VANGL2: variants seen among roughly 807,000 people sequenced by gnomAD.
The protein encoded by VANGL2 is vang-like protein 2.
A neutral mutation model predicts 50.2 loss-of-function variants in VANGL2; 14 were observed. That is an observed-to-expected ratio of 0.28 (90% confidence interval 0.18 to 0.44). The LOEUF is 0.44. Among genes scored for constraint, VANGL2 ranks in the 20% least tolerant of loss-of-function variants. VANGL2 has a pLI of 1.00. For missense variants in VANGL2, 533 were observed against 701.5 expected, an observed-to-expected ratio of 0.76 and a Z score of 2.71; for synonymous variants, 295 against 297.2, an observed-to-expected ratio of 0.99 and a Z score of 0.08.
intron 1 of VANGL2, among the ~76,000 whole-genome samples, chr1:160,415,107 G>A (rs1425243167): frequency 6.6e-6 from 1 of 152,194 alleles, no homozygotes; most frequent in Admixed American, 6.5e-5. Context: ...AACACTGGGT[G>A]TGTTTGAAGT....
rs1253292744 is a variant in VANGL2, at chr1:160,425,221, A to G, written c.1409A>G (p.Asn470Ser). ...WTLVSEEPVTNGLKDGIVFLL... is the reference protein window; with the variant it reads ...WTLVSEEPVTSGLKDGIVFLL... The stretch of plus-strand genomic sequence containing the variant: ...TTGGTGAGCGAGGAGCCGGTGACCA[A>G]CGGCCTCAAGGATGGCATCGTTTTC... Residue 470 changes from asparagine (N) to serine (S), a missense_variant, in exon 8 of 8, where the codon AAC becomes AGC. By Grantham distance (46) the Asn-to-Ser change is conservative. Transcript: ENST00000368061. 6.2e-7 allele frequency: 1 copy of G among 1,614,088 alleles called. No homozygotes were observed. The highest frequency in any genetic ancestry group is 1.1e-5 in the South Asian group (1 of 91,080).
intron 3 of VANGL2, 49 bp downstream of exon 3, chr1:160,416,231 C>G: frequency 1.2e-6 from 2 of 1,612,864 alleles, no homozygotes; most frequent in Non-Finnish European, 8.5e-7. Context: ...TCAGACTGCT[C>G]CTGAGGGGCT....
At chr1:160,420,660 T>C in intron 5 of VANGL2, 113 bp downstream of exon 5, 1 of 1,498,998 alleles carries the variant, frequency 6.7e-7, no homozygotes, top group Non-Finnish European at 9.2e-7. Context: ...GCCCATGTTC[T>C]AGCCGCTTCT....
In VANGL2 at chr1:160,426,841, T is replaced by C. The variant is rs1040425943; in HGVS notation, c.*1463T>C. ...TCCTCTGAGTAACTCACAGTGTCCTTTTGTAGGCCCTTCTTTTCCCTGAAA... is the reference window on the plus strand; with the variant it reads ...TCCTCTGAGTAACTCACAGTGTCCTCTTGTAGGCCCTTCTTTTCCCTGAAA... On this transcript the variant is annotated 3_prime_UTR_variant, in exon 8 of 8. Coordinates refer to ENST00000368061, the MANE Select transcript of VANGL2 (RefSeq NM_020335.3). 3 of 152,174 alleles carry C rather than the reference T, an allele frequency of 2.0e-5. No homozygotes were observed. The highest frequency in any genetic ancestry group is 7.2e-5 in the African/African-American group (3 of 41,440). 9.4% of individuals were successfully genotyped at this position (152,174 alleles called of 1,614,324 possible).
chr1:160,415,690 C>A lies in VANGL2; in HGVS notation c.-148C>A. 1 of 910,108 alleles carries A rather than the reference C, an allele frequency of 1.1e-6. No homozygotes were observed. Among genetic ancestry groups the A allele is most frequent in the Non-Finnish European group, 1.7e-6 (1 of 584,670 alleles). 56.4% of individuals were successfully genotyped at this position (910,108 alleles called of 1,614,324 possible). A position where few individuals can be genotyped will look rare whatever the true frequency, so the allele number is the denominator to read the frequency against. On this transcript the variant is annotated 5_prime_UTR_variant, in exon 2 of 8. Transcript: ENST00000368061. ...CTCTGAGACAAGCCCACCCGTCCAG[C>A]AAAATAGAGTCCCTCAGGGTGACAG...
intron 3 of VANGL2, among the ~76,000 whole-genome samples, chr1:160,417,487 A>G (rs1472902908): frequency 1.3e-5 from 2 of 152,246 alleles, no homozygotes; most frequent in East Asian, 3.8e-4. Flanking sequence ...TTGCCTCCAG[A>G]GACAGGTAGC....
intron 1 of VANGL2, 81 bp from the exon 2 acceptor site, chr1:160,415,567 T>C: frequency 2.0e-6 from 1 of 512,438 alleles, no homozygotes; most frequent in Middle Eastern, 5.5e-4. Flanking sequence ...CTCCTGTGGC[T>C]GTTGTGTGCA....
At position 160,425,488 on chromosome 1, in the gene VANGL2, T is replaced by TA; in HGVS notation, c.*110_*111insA. On this transcript the variant is annotated 3_prime_UTR_variant, in exon 8 of 8. Coordinates refer to ENST00000368061, the MANE Select transcript of VANGL2 (RefSeq NM_020335.3). ...CTGCCACCCTTCTTCTTCTTGCTCT[T>TA]TTTTTTTTACTTGAATTAACGCACC... The TA allele has an allele frequency of 1.9e-6, 2 of 1,078,070 alleles. No individual in the cohort carries two copies. The highest frequency in any genetic ancestry group is 1.7e-5 in the South Asian group (1 of 59,670). The allele number at this position is 1,078,070 out of a possible 1,614,324, so 66.8% of individuals were successfully genotyped here. A position where few individuals can be genotyped will look rare whatever the true frequency, so the allele number is the denominator to read the frequency against.
chr1:160,412,584 A>T (rs1650916578), intron 1 of VANGL2, among the ~76,000 whole-genome samples: 2 of 152,190 alleles, frequency 1.3e-5, no homozygotes, highest in Middle Eastern at 3.4e-3. Context: ...TTTTGCTGCA[A>T]AGTTTTTTGG....
At chr1:160,402,895 G>A (rs1650523891) in intron 1 of VANGL2, among the ~76,000 whole-genome samples, 1 of 152,044 alleles carries the variant, frequency 6.6e-6, no homozygotes, top group East Asian at 1.9e-4. Flanking sequence ...CACTCTTTTT[G>A]CTGCCAGTGG....
At chr1:160,403,101 C>T (rs754504459) in intron 1 of VANGL2, among the ~76,000 whole-genome samples, 3 of 151,474 alleles carry the variant, frequency 2.0e-5, no homozygotes, top group Non-Finnish European at 4.4e-5. Context: ...AATGTTTGAA[C>T]GAGGAACGGG....
chr1:160,419,487 T>G lies in VANGL2; in HGVS notation c.678T>G (p.Leu226=). 6.2e-7 allele frequency: 1 copy of G among 1,605,774 alleles called. No individual in the cohort carries two copies. The highest frequency in any genetic ancestry group is 8.5e-7 in the Non-Finnish European group (1 of 1,179,982). The change falls in exon 4 of 8, where the codon CTT becomes CTG. Residue 226 remains leucine (L), a synonymous_variant. Coordinates refer to ENST00000368061, the MANE Select transcript of VANGL2 (RefSeq NM_020335.3). The surrounding 1 kb of genome is among the most constrained non-coding windows in gnomAD (Gnocchi z 5.8). ...VQFAVSLVDA[L]LFVHYLAVVL... ...TCGCCGTGTCGCTGGTGGACGCCCT[T>G]CTTTTCGTGCACTACCTGGCCGTGG... is the stretch of plus-strand genomic sequence containing the variant.
rs1430106398 is a variant in VANGL2 at position 160,400,878 on chromosome 1, C to G, written c.-191+9C>G. ...GCAGTTCGCAGCGGCGGGTGAGTGC[C>G]GGGCCGCGGGGGCGCGGGCAAAGTT... On this transcript the variant is annotated intron_variant, in intron 1 of 7. Transcript: ENST00000368061. 1 of 151,690 alleles carries G rather than the reference C, an allele frequency of 6.6e-6. No individual in the cohort carries two copies. The highest frequency in any genetic ancestry group is 1.5e-5 in the Non-Finnish European group (1 of 68,020). The allele number at this position is 151,690 out of a possible 1,614,324, so 9.4% of individuals were successfully genotyped here. A position where few individuals can be genotyped will look rare whatever the true frequency, so the allele number is the denominator to read the frequency against.
chr1:160,412,814 G>T (rs1049367458), intron 1 of VANGL2, among the ~76,000 whole-genome samples: 2 of 152,164 alleles, frequency 1.3e-5, no homozygotes, highest in Admixed American at 1.3e-4. Context: ...TACAGTCATG[G>T]ATGTTTTGGT....
intron 1 of VANGL2, among the ~76,000 whole-genome samples, chr1:160,409,536 A>G (rs370937386): frequency 2.6e-5 from 4 of 152,290 alleles, no homozygotes; most frequent in African/African-American, 7.2e-5. Flanking sequence ...CGTCTGTGGA[A>G]GCTGTGTTGG....
At position 160,427,186 on chromosome 1, in the gene VANGL2, C is replaced by G. The variant is rs1179816477; in HGVS notation, c.*1808C>G. ...TCTGGGGGTCTGTCTCTTTTCTTCT[C>G]TTCAAAAACTTTGTGTCAGAGAGTC... On this transcript the variant is annotated 3_prime_UTR_variant, in exon 8 of 8. Transcript: ENST00000368061. 6.5e-6 allele frequency: 1 copy of G among 152,696 alleles called. No homozygotes were observed. The allele number at this position is 152,696 out of a possible 1,614,324, so 9.5% of individuals were successfully genotyped here. A position where few individuals can be genotyped will look rare whatever the true frequency, so the allele number is the denominator to read the frequency against.
rs1053831280 is a variant in VANGL2, at chr1:160,427,781, G to GT, written c.*2404dup. 2 of 152,522 alleles carry GT rather than the reference G, an allele frequency of 1.3e-5. No individual in the cohort carries two copies. Among genetic ancestry groups the GT allele is most frequent in the African/African-American group, 4.8e-5 (2 of 41,334 alleles). 9.4% of individuals were successfully genotyped at this position (152,522 alleles called of 1,614,324 possible). A position where few individuals can be genotyped will look rare whatever the true frequency, so the allele number is the denominator to read the frequency against. ...ATCTGCTCATTCTCCTGCTGTGGGGGTATGCCCACCTCTTACCCCCTTGAC... is the reference window on the plus strand; with the variant it reads ...ATCTGCTCATTCTCCTGCTGTGGGGGTTATGCCCACCTCTTACCCCCTTGAC... On this transcript the variant is annotated 3_prime_UTR_variant, in exon 8 of 8. Transcript: ENST00000368061.
chr1:160,418,993 T>G lies in VANGL2; in HGVS notation c.193-9T>G, dbSNP rs1474440982. On this transcript the variant is annotated splice_polypyrimidine_tract_variant and intron_variant, in intron 3 of 7. Coordinates refer to ENST00000368061, the MANE Select transcript of VANGL2 (RefSeq NM_020335.3). ...CCTTATTGTGTGGCTGGCCCCCTTC[T>G]GCCTGTAGGATGACAACTGGGGGGA... The G allele has an allele frequency of 6.2e-7, 1 of 1,601,592 alleles. No homozygotes were observed. Among genetic ancestry groups the G allele is most frequent in the East Asian group, 2.2e-5 (1 of 44,612 alleles).
chr1:160,413,088 A>G (rs886257884), intron 1 of VANGL2, among the ~76,000 whole-genome samples: 2 of 152,142 alleles, frequency 1.3e-5, no homozygotes, highest in Non-Finnish European at 2.9e-5. Context: ...CTAATGACAC[A>G]TTTCTCAGAA....
Sources: allele counts gnomAD v4.1 joint callset (sites outside exome capture counted in the v4.1 genomes callset), GRCh38; gene constraint gnomAD v4.1.1; non-coding constraint Gnocchi (gnomAD v3.1); transcripts MANE v1.5; gene names NCBI Gene and HGNC (gene_info 2026-07-23, HGNC 2026-07-21).